The following TBC1D9 variants were observed in gnomAD, a reference collection of about 807,000 sequenced individuals.
TBC1D9 encodes the protein TBC1 domain family member 9A.
Under a neutral mutation model 132.0 loss-of-function variants are expected in TBC1D9, and 63 were observed. The observed-to-expected ratio is 0.48, with a 90% CI of 0.39 to 0.59. The LOEUF is 0.59. TBC1D9 is among the 20% of genes least tolerant of loss of function. The pLI is 0.00. For missense variants in TBC1D9, 1,261 were observed against 1,592.7 expected (o/e 0.79, Z 3.54); for synonymous variants, 610 against 609.9 (o/e 1.00, Z 0.00).
chr4:140,679,214 G>T lies in TBC1D9; in HGVS notation c.590-11C>A. Reference sequence around the variant, plus strand: ...GGATGACCAGTTTCGCTGAGCACAAGGAACAAGCCTGGGTCAACATCTGAT... The same window carrying T: ...GGATGACCAGTTTCGCTGAGCACAATGAACAAGCCTGGGTCAACATCTGAT... On this transcript the variant is annotated splice_polypyrimidine_tract_variant and intron_variant, in intron 4 of 20. Coordinates refer to ENST00000442267, the MANE Select transcript of TBC1D9 (RefSeq NM_015130.3). The T allele has an allele frequency of 6.2e-7, 1 of 1,607,520 alleles. No individual in the cohort carries two copies. The highest frequency in any genetic ancestry group is 2.2e-5 in the East Asian group (1 of 44,776).
intron 6 of TBC1D9, among the ~76,000 whole-genome samples, chr4:140,676,626 G>A (rs12648813): frequency 6.6e-6 from 1 of 152,088 alleles, no homozygotes; most frequent in African/African-American, 2.4e-5. Context: ...GCACTCCAGC[G>A]TGGGTGACAG....
In TBC1D9 at chr4:140,703,278, C is replaced by G. The variant is rs530430848; in HGVS notation, c.131-1664G>C. Among the ~76,000 whole-genome samples the G allele has an allele frequency of 7.9e-5, 12 of 152,290 alleles. No individual in the cohort carries two copies. In the South Asian group the frequency reaches 2.5e-3, roughly 32 times the overall value. On this transcript the variant is annotated intron_variant, in intron 1 of 20. Transcript: ENST00000442267. ...TTTTGCTGAATCTGAGGCACAAATT[C>G]TGAAAATGTTGCCACCAGTACCTCA...
chr4:140,638,610 C>A (rs1736916457), intron 15 of TBC1D9, among the ~76,000 whole-genome samples: 1 of 151,610 alleles, frequency 6.6e-6, no homozygotes, highest in Non-Finnish European at 1.5e-5. Context: ...GAGCAAGACT[C>A]CGTCTCAAAA....
chr4:140,674,531 G>T (rs112204464), intron 6 of TBC1D9, among the ~76,000 whole-genome samples: 1 of 151,792 alleles, frequency 6.6e-6, no homozygotes, highest in Non-Finnish European at 1.5e-5. Context: ...AAATTTAATT[G>T]TGATATGAAT....
chr4:140,691,330 A>G (rs1292436589), intron 2 of TBC1D9, among the ~76,000 whole-genome samples: 1 of 152,224 alleles, frequency 6.6e-6, no homozygotes, highest in Non-Finnish European at 1.5e-5. Context: ...TTTGAATCCC[A>G]AATGTTCCTT....
rs912229470 is a variant in TBC1D9 at position 140,671,552 on chromosome 4, A to C, written c.1060-626T>G. ...ACACCACCAATCCTTCAAATGTTTCATTTAGACTCCAGGGCTTTTCATCCT... is the reference window on the plus strand; with the variant it reads ...ACACCACCAATCCTTCAAATGTTTCCTTTAGACTCCAGGGCTTTTCATCCT... On this transcript the variant is annotated intron_variant, in intron 6 of 20. Transcript: ENST00000442267. 2.0e-5 allele frequency among the ~76,000 whole-genome samples: 3 copies of C among 152,178 alleles called. No homozygotes were observed. In the East Asian group the frequency reaches 5.8e-4, roughly 29 times the overall value.
chr4:140,679,623 C>A lies in TBC1D9; in HGVS notation c.581G>T (p.Gly194Val). The A allele has an allele frequency of 6.2e-7, 1 of 1,612,376 alleles. No individual in the cohort carries two copies. The highest frequency in any genetic ancestry group is 8.5e-7 in the Non-Finnish European group (1 of 1,178,832). The change falls in exon 4 of 21, where the codon GGA becomes GTA. Residue 194 changes from glycine (G) to valine (V), a missense_variant. By Grantham distance (109) the Gly-to-Val change is moderately radical. Transcript: ENST00000442267. ...AATTTTAGATGACTTACCTTCCCTTCCCATAAGAAAAGAATAAAAGCAAAG... is the reference window on the plus strand; with the variant it reads ...AATTTTAGATGACTTACCTTCCCTTACCATAAGAAAAGAATAAAAGCAAAG... Reference protein sequence around the residue: ...NHLCFYSFLMGREAKLVIRWV... With the variant: ...NHLCFYSFLMVREAKLVIRWV...
At chr4:140,730,323 T>C (rs1738568828) in intron 1 of TBC1D9, among the ~76,000 whole-genome samples, 1 of 152,210 alleles carries the variant, frequency 6.6e-6, no homozygotes, top group Non-Finnish European at 1.5e-5. Context: ...GAAAAAGCCC[T>C]CTGCCTTACA....
At chr4:140,648,623 T>G (rs1284954745) in intron 13 of TBC1D9, among the ~76,000 whole-genome samples, 1 of 152,140 alleles carries the variant, frequency 6.6e-6, no homozygotes, top group Non-Finnish European at 1.5e-5. Flanking sequence ...TGAGCTTAAG[T>G]GGTCTGCCCG....
chr4:140,667,433 ATC>A (rs1351243023), intron 9 of TBC1D9, among the ~76,000 whole-genome samples: 1 of 152,266 alleles, frequency 6.6e-6, no homozygotes, highest in Non-Finnish European at 1.5e-5. Context: ...GAAAATGGAA[ATC>A]TGTTTACTCT....
At chr4:140,659,791 A>C in intron 10 of TBC1D9, 86 bp from the exon 11 acceptor site, 4 of 949,066 alleles carry the variant, frequency 4.2e-6, no homozygotes, top group African/African-American at 1.6e-5. Flanking sequence ...AGTTATTCTC[A>C]CAAGGGCTGG....
At position 140,739,734 on chromosome 4, in the gene TBC1D9, G is replaced by A. The variant is rs572163595; in HGVS notation, c.130+16182C>T. ...AAGAGGCATTAAAGCTGGGCACAGC[G>A]GTACATGCCTATAGTCCCAGCTACT... On this transcript the variant is annotated intron_variant, in intron 1 of 20. Coordinates refer to ENST00000442267, the MANE Select transcript of TBC1D9 (RefSeq NM_015130.3). Among the ~76,000 whole-genome samples the A allele has an allele frequency of 5.9e-5, 9 of 152,286 alleles. No individual in the cohort carries two copies. The East Asian group carries it at 7.7e-4, about 13-fold the overall frequency.
In TBC1D9 at chr4:140,657,733, C is replaced by A; in HGVS notation, c.2001G>T (p.Leu667=). 2 of 1,614,000 alleles carry A rather than the reference C, an allele frequency of 1.2e-6. No homozygotes were observed. Among genetic ancestry groups the A allele is most frequent in the Non-Finnish European group, 1.7e-6 (2 of 1,179,902 alleles). The part of the protein sequence containing the change: ...VPQLYDCMQD[L]GVISTISLSW... Reference sequence around the variant, plus strand: ...ACAGGGAGATGGTGGAAATCACGCCCAGGTCTTGCATGCAGTCGTACAGCT... The same window carrying A: ...ACAGGGAGATGGTGGAAATCACGCCAAGGTCTTGCATGCAGTCGTACAGCT... Residue 667 remains leucine, a synonymous_variant, in exon 12 of 21, where the codon CTG becomes CTT. Coordinates refer to ENST00000442267, the MANE Select transcript of TBC1D9 (RefSeq NM_015130.3).
intron 2 of TBC1D9, among the ~76,000 whole-genome samples, chr4:140,691,025 C>A (rs1022034842): frequency 6.6e-6 from 1 of 152,096 alleles, no homozygotes; most frequent in Non-Finnish European, 1.5e-5. Context: ...CACAAATGCA[C>A]CATATTCTCT....
At chr4:140,746,402 T>C (rs1738836321) in intron 1 of TBC1D9, among the ~76,000 whole-genome samples, 1 of 152,154 alleles carries the variant, frequency 6.6e-6, no homozygotes, top group Non-Finnish European at 1.5e-5. Context: ...CTTTCATTTT[T>C]CTCAAGGTAG....
chr4:140,669,000 A>C lies in TBC1D9; in HGVS notation c.1505T>G (p.Met502Arg). 1.2e-6 allele frequency: 2 copies of C among 1,613,962 alleles called. No individual in the cohort carries two copies. The highest frequency in any genetic ancestry group is 1.1e-5 in the South Asian group (1 of 91,082). ...HFAEYGQGIC[M>R]YRTEKTRELV... ...CTCCCGCGTTTTCTCTGTGCGGTAC[A>C]TGCAGATCCCTTGCCCATACTCAGC... The change falls in exon 9 of 21, where the codon ATG (methionine) becomes AGG (arginine). Residue 502 changes from methionine to arginine, a missense_variant. By Grantham distance (91) the Met-to-Arg change is moderately conservative (BLOSUM62 -1). Transcript: ENST00000442267.
At chr4:140,652,799 C>G (rs1049229640) in intron 13 of TBC1D9, among the ~76,000 whole-genome samples, 9 of 152,208 alleles carry the variant, frequency 5.9e-5, no homozygotes, top group Non-Finnish European at 1.0e-4. Context: ...GCCAGAGACA[C>G]ATTACTCTAA....
intron 2 of TBC1D9, among the ~76,000 whole-genome samples, chr4:140,692,855 AC>A (rs1488759962): frequency 6.6e-6 from 1 of 151,992 alleles, no homozygotes; most frequent in African/African-American, 2.4e-5. Context: ...CCCTATCTCT[AC>A]AAAAATTACA....
At chr4:140,676,829 T>C in intron 6 of TBC1D9, 65 bp downstream of exon 6, 2 of 1,570,360 alleles carry the variant, frequency 1.3e-6, no homozygotes, top group South Asian at 1.2e-5. Context: ...AAAAAATTAT[T>C]CCTGGTTCAC....
Sources: allele counts gnomAD v4.1 joint callset (sites outside exome capture counted in the v4.1 genomes callset), GRCh38; gene constraint gnomAD v4.1.1; transcripts MANE v1.5; gene names NCBI Gene and HGNC (gene_info 2026-07-23, HGNC 2026-07-21).